LGR5: variants seen among roughly 807,000 people sequenced by gnomAD.
LGR5 encodes leucine-rich repeat-containing G protein-coupled receptor 5.
A neutral mutation model predicts 76.7 loss-of-function variants in LGR5; 54 were observed. That is an observed-to-expected ratio of 0.70 (90% CI 0.57 to 0.88). LGR5 has a LOEUF of 0.88. Among genes scored for constraint, LGR5 ranks in the 40% least tolerant of loss-of-function variants. The pLI is 0.00. For synonymous variants in LGR5, 406 were observed against 421.9 expected, an observed-to-expected ratio of 0.96 and a Z score of 0.46; for missense variants, 1,078 against 1,073.3, an observed-to-expected ratio of 1.00 and a Z score of -0.06.
Position 71,559,673 on chromosome 12 carries a change from T to G in LGR5, c.785+19T>G, listed in dbSNP as rs933182979. 7.9e-7 allele frequency: 1 copy of G among 1,260,442 alleles called. No homozygotes were observed. Among genetic ancestry groups the G allele is most frequent in the African/African-American group, 1.5e-5 (1 of 67,832 alleles). 78.1% of individuals were successfully genotyped at this position (1,260,442 alleles called of 1,614,324 possible). A position where few individuals can be genotyped will look rare whatever the true frequency, so the allele number is the denominator to read the frequency against. On this transcript the variant is annotated intron_variant, in intron 7 of 17. Transcript: ENST00000266674. Reference sequence around the variant, plus strand: ...AAGAACTGTAAGTATTTAGGACAATTTTAATGGGAGAACTTTATCCTTTTG... The same window carrying G: ...AAGAACTGTAAGTATTTAGGACAATGTTAATGGGAGAACTTTATCCTTTTG...
rs1003471051 is a variant in LGR5 at position 71,583,765 on chromosome 12, C to G, written c.1755C>G (p.Ser585=). 1 of 1,614,058 alleles carries G rather than the reference C, an allele frequency of 6.2e-7. No individual in the cohort carries two copies. The highest frequency in any genetic ancestry group is 8.5e-7 in the Non-Finnish European group (1 of 1,180,020). ...NALVTSTVFR[S]PLYISPIKLL... ...TGGTGACTTCAACAGTTTTCAGATC[C>G]CCTCTGTACATTTCCCCCATTAAAC... The change falls in exon 18 of 18, where the codon TCC becomes TCG. Residue 585 remains serine (S), a synonymous_variant. Coordinates refer to ENST00000266674, the MANE Select transcript of LGR5 (RefSeq NM_003667.4).
chr12:71,578,679 G>C, intron 14 of LGR5, 125 bp from the exon 15 acceptor site: 1 of 906,798 alleles, frequency 1.1e-6, no homozygotes, highest in Non-Finnish European at 1.6e-6. Context: ...TTACCATTAA[G>C]AGTAAGGACC....
intron 8 of LGR5, among the ~76,000 whole-genome samples, chr12:71,562,597 C>T (rs1878115959): frequency 6.6e-6 from 1 of 152,124 alleles, no homozygotes; most frequent in Non-Finnish European, 1.5e-5. Flanking sequence ...AGAGTTACAA[C>T]TACAAAGTAT....
At chr12:71,541,686 T>C (rs1022795666) in intron 4 of LGR5, among the ~76,000 whole-genome samples, 2 of 152,224 alleles carry the variant, frequency 1.3e-5, no homozygotes, top group Admixed American at 6.5e-5. Context: ...TCCATCATCA[T>C]GCTTTATCCT....
intron 3 of LGR5, among the ~76,000 whole-genome samples, chr12:71,533,208 G>A (rs1920554): frequency 0.53 from 80,063 of 151,738 alleles, 21,636 homozygotes; most frequent in East Asian, 0.87. Context: ...AGCCGGGCAC[G>A]GTGATGCATG....
At chr12:71,464,344 G>A (rs1179317508) in intron 1 of LGR5, among the ~76,000 whole-genome samples, 1 of 152,166 alleles carries the variant, frequency 6.6e-6, no homozygotes, top group Non-Finnish European at 1.5e-5. Flanking sequence ...ATGAATCTTT[G>A]TATGTCCACA....
chr12:71,577,466 T>C lies in LGR5; in HGVS notation c.1209-459T>C, dbSNP rs1353810475. 2.0e-5 allele frequency among the ~76,000 whole-genome samples: 3 copies of C among 152,298 alleles called. No individual in the cohort carries two copies. The East Asian group carries it at 5.8e-4, about 29-fold the overall frequency. On this transcript the variant is annotated intron_variant, in intron 13 of 17. Coordinates refer to ENST00000266674, the MANE Select transcript of LGR5 (RefSeq NM_003667.4). ...CTTCCTGGAAATTTTCTTGAAAGCA[T>C]CTTTGTGTTTCTTTCAAGGCCTAAC...
chr12:71,476,392 C>G (rs1439335684), intron 1 of LGR5, among the ~76,000 whole-genome samples: 1 of 152,100 alleles, frequency 6.6e-6, no homozygotes, highest in East Asian at 1.9e-4. Flanking sequence ...TGTGTCTACT[C>G]TAGGGTTCAA....
intron 12 of LGR5, 67 bp downstream of exon 12, chr12:71,571,646 A>G: frequency 1.7e-6 from 2 of 1,179,424 alleles, no homozygotes; most frequent in Non-Finnish European, 2.5e-6. Flanking sequence ...TCTCAGGGTC[A>G]CTGGTTCATT....
intron 1 of LGR5, among the ~76,000 whole-genome samples, chr12:71,498,131 G>T (rs566889070): frequency 4.6e-5 from 7 of 152,250 alleles, no homozygotes; most frequent in African/African-American, 1.7e-4. Context: ...ACCTTTCAAT[G>T]AATGAGAATC....
chr12:71,449,519 G>A (rs958260262), intron 1 of LGR5, among the ~76,000 whole-genome samples: 6 of 152,086 alleles, frequency 3.9e-5, no homozygotes, highest in South Asian at 4.1e-4. Flanking sequence ...AAGGTCTAGC[G>A]GCATGATTAA....
At chr12:71,539,370 A>G (rs1364538969) in intron 4 of LGR5, among the ~76,000 whole-genome samples, 2 of 152,232 alleles carry the variant, frequency 1.3e-5, no homozygotes, top group African/African-American at 2.4e-5. Context: ...TGTCAGGAAG[A>G]AACAAATTGT....
intron 4 of LGR5, among the ~76,000 whole-genome samples, chr12:71,552,070 A>G (rs1877511382): frequency 6.6e-6 from 1 of 150,662 alleles, no homozygotes; most frequent in Non-Finnish European, 1.5e-5. Flanking sequence ...AACATCATAC[A>G]TGGGGGCCTG....
chr12:71,479,168 T>C (rs1231053307), intron 1 of LGR5, among the ~76,000 whole-genome samples: 5 of 152,218 alleles, frequency 3.3e-5, no homozygotes, highest in Admixed American at 2.0e-4. Context: ...CTATGAGTTG[T>C]TCATTAATGT....
chr12:71,578,342 T>C (rs1457951904), intron 14 of LGR5, among the ~76,000 whole-genome samples: 1 of 152,164 alleles, frequency 6.6e-6, no homozygotes, highest in African/African-American at 2.4e-5. Flanking sequence ...AATCTTCCTG[T>C]CCCTTCCCCC....
At chr12:71,580,214 T>G in intron 15 of LGR5, 64 bp from the exon 16 acceptor site, 1 of 1,442,260 alleles carries the variant, frequency 6.9e-7, no homozygotes, top group Non-Finnish European at 9.4e-7. Context: ...TGAAAGAACA[T>G]GAACACTATA....
chr12:71,563,356 A>G (rs1878156455), intron 8 of LGR5, among the ~76,000 whole-genome samples: 1 of 152,104 alleles, frequency 6.6e-6, no homozygotes, highest in Non-Finnish European at 1.5e-5. Context: ...TCTGCCAACC[A>G]TGACATCCAG....
intron 1 of LGR5, among the ~76,000 whole-genome samples, chr12:71,473,789 A>G (rs117308874): frequency 0.012 from 1,836 of 152,224 alleles, 16 homozygotes; most frequent in Middle Eastern, 0.034. Context: ...AAATTACAGA[A>G]CAATTATCTA....
intron 2 of LGR5, among the ~76,000 whole-genome samples, chr12:71,515,033 G>A (rs1295770026): frequency 1.3e-5 from 2 of 152,192 alleles, no homozygotes; most frequent in Non-Finnish European, 2.9e-5. Flanking sequence ...AAGCTCTTAC[G>A]TATCTGGTCC....
Sources: gnomAD v4.1 joint callset for allele counts (sites outside exome capture counted in the v4.1 genomes callset) on GRCh38, gnomAD v4.1.1 for gene constraint, MANE v1.5 for transcripts, NCBI Gene and HGNC (gene_info 2026-07-23, HGNC 2026-07-21) for gene names.